BAIAP2L2: variants seen among roughly 807,000 people sequenced by gnomAD.
BAIAP2L2 encodes the protein BAR/IMD domain containing adaptor protein 2 like 2.
Under a neutral mutation model 60.4 loss-of-function variants are expected in BAIAP2L2, and 65 were observed. That is an observed-to-expected ratio of 1.08 (90% CI 0.88 to 1.32). The LOEUF (loss-of-function observed/expected upper bound fraction) is 1.32. BAIAP2L2 is among the 40% of genes most tolerant of loss of function. The pLI, the probability that BAIAP2L2 is intolerant of heterozygous loss-of-function variation, is 0.00. For synonymous variants in BAIAP2L2, 344 were observed against 301.7 expected, an observed-to-expected ratio of 1.14 and a Z score of -1.45; for missense variants, 836 against 741.2, an observed-to-expected ratio of 1.13 and a Z score of -1.48.
chr22:38,091,622 G>A (rs1046807253), intron 7 of BAIAP2L2: 2 of 151,984 alleles, frequency 1.3e-5, no homozygotes, highest in Admixed American at 6.6e-5. Context: ...ATATATTTAC[G>A]AAGTGAAACA....
chr22:38,089,685 G>A lies in BAIAP2L2; in HGVS notation c.613-11C>T. ...GAGCATCCCCCGGGCCTGGCCGGGC[G>A]GGGACACGGGGGTCAGCCAGGTCCG... On this transcript the variant is annotated splice_polypyrimidine_tract_variant and intron_variant, in intron 7 of 13. Coordinates refer to ENST00000381669, the MANE Select transcript of BAIAP2L2 (RefSeq NM_025045.6). The A allele has an allele frequency of 1.6e-6, 2 of 1,229,528 alleles. No individual in the cohort carries two copies. The highest frequency in any genetic ancestry group is 2.0e-6 in the Non-Finnish European group (2 of 986,494). 76.2% of individuals were successfully genotyped at this position (1,229,528 alleles called of 1,614,324 possible).
At chr22:38,107,320 A>G (rs1173308510) in intron 4 of BAIAP2L2, among the ~76,000 whole-genome samples, 1 of 152,134 alleles carries the variant, frequency 6.6e-6, no homozygotes, top group East Asian at 1.9e-4. Context: ...AGAGGACAGC[A>G]GGACAGCAGC....
At chr22:38,095,718 G>C (rs1215188891) in intron 7 of BAIAP2L2, among the ~76,000 whole-genome samples, 2 of 152,058 alleles carry the variant, frequency 1.3e-5, no homozygotes, top group Non-Finnish European at 2.9e-5. Flanking sequence ...TTGGCGGAGC[G>C]ATGGACTGAA....
At chr22:38,109,520 C>A (rs995871857) in intron 1 of BAIAP2L2, among the ~76,000 whole-genome samples, 7 of 152,178 alleles carry the variant, frequency 4.6e-5, no homozygotes, top group Non-Finnish European at 8.8e-5. Context: ...TCTCCTCCTC[C>A]CGCTGGGCAG....
At chr22:38,110,405 C>T (rs1187948318) in intron 1 of BAIAP2L2, 70 bp downstream of exon 1, 10 of 1,499,222 alleles carry the variant, frequency 6.7e-6, no homozygotes, top group Non-Finnish European at 8.3e-6. Context: ...CCTCCGTCCT[C>T]CAGAGCGGGC....
At chr22:38,085,816 A>C in intron 12 of BAIAP2L2, 84 bp from the exon 13 acceptor site, 3 of 1,331,402 alleles carry the variant, frequency 2.3e-6, no homozygotes, top group Non-Finnish European at 3.1e-6. Flanking sequence ...CCCCATGCCC[A>C]AGGGCAGAGG....
chr22:38,110,779 G>T, upstream of BAIAP2L2: 1 of 513,250 alleles, frequency 1.9e-6, no homozygotes, highest in Non-Finnish European at 3.4e-6. Flanking sequence ...AGGCTCGTGT[G>T]ACCTGCCCTT....
intron 4 of BAIAP2L2, among the ~76,000 whole-genome samples, chr22:38,106,044 AAG>A (rs2086658798): frequency 6.6e-6 from 1 of 152,150 alleles, no homozygotes; most frequent in South Asian, 2.1e-4. Flanking sequence ...GGTGTGCCAC[AAG>A]TGACAAGGAC....
At chr22:38,105,898 G>C (rs989423207) in intron 4 of BAIAP2L2, among the ~76,000 whole-genome samples, 4 of 152,164 alleles carry the variant, frequency 2.6e-5, no homozygotes, top group Admixed American at 2.0e-4. Flanking sequence ...GGTGGGGGTG[G>C]CCTCTGGCAC....
chr22:38,099,851 C>T (rs2086528197), intron 4 of BAIAP2L2, among the ~76,000 whole-genome samples: 2 of 152,226 alleles, frequency 1.3e-5, no homozygotes, highest in Admixed American at 1.3e-4. Context: ...GGTGTCCTCA[C>T]ATCATCCCAC....
In BAIAP2L2 at chr22:38,089,136, T is replaced by C. The variant is rs1326919826; in HGVS notation, c.861A>G (p.Leu287=). The change falls in exon 9 of 14, where the codon CTA becomes CTG. Residue 287 remains leucine, a synonymous_variant. Coordinates refer to ENST00000381669, the MANE Select transcript of BAIAP2L2 (RefSeq NM_025045.6). ...TEPDARPASQ[L]EPDRRSLPRT... ...GGGGCAGGGAGCGACGGTCTGGCTC[T>C]AGCTGGGACGCGGGCCTCGCGTCGG... 5 of 1,348,710 alleles carry C rather than the reference T, an allele frequency of 3.7e-6. No homozygotes were observed. In the East Asian group the frequency reaches 1.2e-4, roughly 33 times the overall value. The allele number at this position is 1,348,710 out of a possible 1,614,324, so 83.5% of individuals were successfully genotyped here. A position where few individuals can be genotyped will look rare whatever the true frequency, so the allele number is the denominator to read the frequency against.
In BAIAP2L2 at chr22:38,089,609, C is replaced by T; in HGVS notation, c.678G>A (p.Pro226=). ...WKEQSEASRS[P]SRAHSPGLLG... Reference sequence around the variant, plus strand: ...GCAGGCCGGGGGAGTGGGCGCGCGACGGGCTGCGGCTGGCCTCAGACTGCT... The same window carrying T: ...GCAGGCCGGGGGAGTGGGCGCGCGATGGGCTGCGGCTGGCCTCAGACTGCT... The change falls in exon 8 of 14, where the codon CCG becomes CCA. Residue 226 remains proline (P), a synonymous_variant. Transcript: ENST00000381669. 1 of 1,234,088 alleles carries T rather than the reference C, an allele frequency of 8.1e-7. No individual in the cohort carries two copies. Among genetic ancestry groups the T allele is most frequent in the Non-Finnish European group, 1.0e-6 (1 of 990,134 alleles). The allele number at this position is 1,234,088 out of a possible 1,614,324, so 76.4% of individuals were successfully genotyped here. A position where few individuals can be genotyped will look rare whatever the true frequency, so the allele number is the denominator to read the frequency against.
rs56008516 is a variant in BAIAP2L2, at chr22:38,096,242, C to T, written c.612+790G>A. ...AGGTAGAATAGTTATAGCCAAAAAA[C>T]GCCAAACAACATGGCAGCTCAATTC... On this transcript the variant is annotated intron_variant, in intron 7 of 13. Transcript: ENST00000381669. Among the ~76,000 whole-genome samples the T allele has an allele frequency of 7.0e-3, 1,066 of 152,206 alleles. 7 individuals carry two copies. Among genetic ancestry groups the T allele is most frequent in the African/African-American group, 0.022 (915 of 41,508 alleles).
intron 4 of BAIAP2L2, among the ~76,000 whole-genome samples, chr22:38,100,817 T>A (rs968909637): frequency 7.2e-5 from 11 of 152,314 alleles, no homozygotes; most frequent in East Asian, 3.9e-4. Context: ...TGCAACAACA[T>A]GAATTAATCT....
chr22:38,110,266 C>T (rs2086813733), intron 1 of BAIAP2L2, among the ~76,000 whole-genome samples: 1 of 151,506 alleles, frequency 6.6e-6, no homozygotes, highest in South Asian at 2.1e-4. Flanking sequence ...CCTGCCTTGT[C>T]CAGCATCTGG....
rs1200151706 is a variant in BAIAP2L2 at position 38,089,190 on chromosome 22, C to T, written c.807G>A (p.Arg269=). The change falls in exon 9 of 14, where the codon CGG becomes CGA. Residue 269 remains arginine (R), a synonymous_variant. Coordinates refer to ENST00000381669, the MANE Select transcript of BAIAP2L2 (RefSeq NM_025045.6). ...CGGTGCCGTAGGAGCCGGAGCCGTG[C>T]CGGCTGCGGGGGGAGCTGAACTCTC... ...PLGEFSSPRS[R]HGSGSYGTEP... The T allele has an allele frequency of 1.6e-6, 2 of 1,224,684 alleles. No homozygotes were observed. Among genetic ancestry groups the T allele is most frequent in the East Asian group, 3.8e-5 (1 of 26,448 alleles). The allele number at this position is 1,224,684 out of a possible 1,614,324, so 75.9% of individuals were successfully genotyped here.
At chr22:38,087,488 G>A (rs779312337) in intron 10 of BAIAP2L2, among the ~76,000 whole-genome samples, 1 of 152,086 alleles carries the variant, frequency 6.6e-6, no homozygotes, top group East Asian at 1.9e-4. Context: ...AGGATGGAAC[G>A]ATGGTCCCAG....
At chr22:38,108,461 C>T in intron 2 of BAIAP2L2, 120 bp from the exon 3 acceptor site, 3 of 742,354 alleles carry the variant, frequency 4.0e-6, no homozygotes, top group South Asian at 3.7e-5. Flanking sequence ...CTGTGTGTGC[C>T]CCTGAGGAGG....
chr22:38,103,684 G>A (rs1302818161), intron 4 of BAIAP2L2, among the ~76,000 whole-genome samples: 1 of 152,080 alleles, frequency 6.6e-6, no homozygotes. Context: ...CCAACAAGGT[G>A]AAACCCCGTC....
Sources: allele counts gnomAD v4.1 joint callset (sites outside exome capture counted in the v4.1 genomes callset), GRCh38; gene constraint gnomAD v4.1.1; transcripts MANE v1.5; gene names NCBI Gene and HGNC (gene_info 2026-07-23, HGNC 2026-07-21).